The following BUD23 variants were observed in gnomAD, a reference collection of about 807,000 sequenced individuals.
The protein encoded by BUD23 is 18S rRNA (guanine-N(7))-methyltransferase.
BUD23 carries 34 observed loss-of-function variants against 47.0 expected under a neutral mutation model. That is an observed-to-expected ratio of 0.72 (90% CI 0.55 to 0.96). The LOEUF (loss-of-function observed/expected upper bound fraction) is 0.96, where lower values mean the gene tolerates loss of function less well. Ranked by LOEUF, BUD23 falls within the 40% of genes least tolerant of loss-of-function variation. The pLI, the probability that BUD23 is intolerant of heterozygous loss-of-function variation, is 0.00. For missense variants in BUD23, 343 were observed against 361.2 expected (o/e 0.95, Z 0.41); for synonymous variants, 124 against 132.0 (o/e 0.94, Z 0.41).
At chr7:73,697,579 A>G (rs1344420907) in intron 10 of BUD23, 26 bp from the exon 11 acceptor site, 2 of 1,613,268 alleles carry the variant, frequency 1.2e-6, no homozygotes, top group Non-Finnish European at 1.7e-6. Context: ...GCTGTCCATC[A>G]GCTCATAGCT....
chr7:73,687,719 C>T (rs1798032387), intron 5 of BUD23, among the ~76,000 whole-genome samples: 1 of 152,152 alleles, frequency 6.6e-6, no homozygotes, highest in Admixed American at 6.5e-5. Context: ...CAAGCCAGTG[C>T]CTCCCAAACC....
intron 2 of BUD23, among the ~76,000 whole-genome samples, chr7:73,684,786 C>T (rs1009802854): frequency 6.6e-6 from 1 of 151,042 alleles, no homozygotes; most frequent in East Asian, 2.0e-4. Context: ...TAGCCGGGCG[C>T]GATGGCGGGT....
chr7:73,696,443 A>C (rs1245941059), intron 10 of BUD23: 1 of 152,216 alleles, frequency 6.6e-6, no homozygotes, highest in Non-Finnish European at 1.5e-5. Context: ...TTCAAACGAC[A>C]TGTCCTAAAA....
Position 73,686,871 on chromosome 7 carries a change from T to G in BUD23, c.236T>G (p.Val79Gly). The G allele has an allele frequency of 1.2e-6, 2 of 1,614,150 alleles. No homozygotes were observed. Among genetic ancestry groups the G allele is most frequent in the South Asian group, 2.2e-5 (2 of 91,074 alleles). ...SYLSDEGHYW[V>G]GLDISPAMLD... is the part of the protein sequence containing the mutation. ...CTGTCAGATGAAGGGCACTATTGGG[T>G]GGGCCTGGATATCAGCCCTGCCATG... The change falls in exon 4 of 12, where the codon GTG becomes GGG. Residue 79 changes from valine to glycine, a missense_variant. Coordinates refer to ENST00000265758, the MANE Select transcript of BUD23 (RefSeq NM_017528.5).
At chr7:73,697,227 CT>C in intron 10 of BUD23, 1 of 554,654 alleles carries the variant, frequency 1.8e-6, no homozygotes, top group Non-Finnish European at 3.2e-6. Flanking sequence ...CCCTAAGCTC[CT>C]GCTGTGAACT....
chr7:73,696,710 T>A (rs1798415859), intron 10 of BUD23: 1 of 152,174 alleles, frequency 6.6e-6, no homozygotes, highest in Non-Finnish European at 1.5e-5. Flanking sequence ...AAGAAAAAGT[T>A]TTTTAAGTCT....
At chr7:73,697,189 C>G (rs986182257) in intron 10 of BUD23, 31 of 500,052 alleles carry the variant, frequency 6.2e-5, no homozygotes, top group Non-Finnish European at 9.0e-5. Context: ...CCTTTCCATC[C>G]CTGTCTTCCT....
chr7:73,697,475 A>G (rs1554615025), intron 10 of BUD23, 130 bp from the exon 11 acceptor site: 1 of 1,552,272 alleles, frequency 6.4e-7, no homozygotes, highest in Non-Finnish European at 8.7e-7. Flanking sequence ...GGGAAGGTGG[A>G]GCATTTGAGA....
chr7:73,686,508 C>G, intron 2 of BUD23, 128 bp from the exon 3 acceptor site: 1 of 828,464 alleles, frequency 1.2e-6, no homozygotes, highest in Non-Finnish European at 2.0e-6. Flanking sequence ...AAAAGAGTAC[C>G]TCGGGATGAT....
Position 73,686,806 on chromosome 7 carries a change from C to G in BUD23, c.183-12C>G, listed in dbSNP as rs535386236. 2.5e-6 allele frequency: 4 copies of G among 1,613,922 alleles called. No homozygotes were observed. The highest frequency in any genetic ancestry group is 2.2e-5 in the South Asian group (2 of 91,046). On this transcript the variant is annotated splice_polypyrimidine_tract_variant and intron_variant, in intron 3 of 11. Transcript: ENST00000265758. ...TGTAAACTGACCCTGAGTGTCTGGT[C>G]ATGTCTTCCAGCTGTGGCACTGGGC...
At chr7:73,688,043 C>A (rs1163737806) in intron 5 of BUD23, among the ~76,000 whole-genome samples, 1 of 151,940 alleles carries the variant, frequency 6.6e-6, no homozygotes, top group Non-Finnish European at 1.5e-5. Flanking sequence ...CTGCAGGCGC[C>A]CACCACCACG....
At chr7:73,689,072 C>T (rs555719607) in intron 5 of BUD23, among the ~76,000 whole-genome samples, 41 of 152,238 alleles carry the variant, frequency 2.7e-4, no homozygotes, top group Non-Finnish European at 3.7e-4. Context: ...TTTTTGGAGA[C>T]GGATTCTTAC....
In BUD23 at chr7:73,691,029, C is replaced by A; in HGVS notation, c.459+17C>A. ...TCTGTTCTCGTGAGTATAAGATCTT[C>A]TCCCCATCTGGGTTAGCTGCCTGTC... On this transcript the variant is annotated intron_variant, in intron 6 of 11. Transcript: ENST00000265758. 1.2e-6 allele frequency: 2 copies of A among 1,610,902 alleles called. No individual in the cohort carries two copies. Among genetic ancestry groups the A allele is most frequent in the South Asian group, 1.1e-5 (1 of 91,024 alleles).
intron 9 of BUD23, 22 bp downstream of exon 9, chr7:73,693,691 G>C (rs782379850): frequency 1.2e-6 from 2 of 1,614,160 alleles, no homozygotes; most frequent in South Asian, 2.2e-5. Context: ...TGGGTTTGCA[G>C]GCAGGCCTGT....
intron 10 of BUD23, chr7:73,697,257 G>A (rs1045467637): frequency 4.0e-5 from 24 of 598,254 alleles, no homozygotes; most frequent in African/African-American, 2.6e-4. Context: ...TGCTCTTGAA[G>A]TCTAGGTGAT....
intron 4 of BUD23, 43 bp downstream of exon 4, chr7:73,686,943 G>A (rs2116674337): frequency 6.2e-7 from 1 of 1,613,552 alleles, no homozygotes; most frequent in Non-Finnish European, 8.5e-7. Flanking sequence ...TACCCTGATG[G>A]GTGTGGAGAA....
chr7:73,684,116 C>A (rs782616186), intron 2 of BUD23: 1 of 753,080 alleles, frequency 1.3e-6, no homozygotes, highest in Non-Finnish European at 2.0e-6. Context: ...GGGGTCAGTC[C>A]TGGTGGGGGG....
Position 73,693,218 on chromosome 7 carries a change from C to T in BUD23, c.511-111C>T. On this transcript the variant is annotated intron_variant, in intron 7 of 11. Transcript: ENST00000265758. ...GTGGCTTACAGCGACCTTAAGTTCT[C>T]CCAGGCAGGATTTGTCCTGGAGCAG... 4 of 1,034,432 alleles carry T rather than the reference C, an allele frequency of 3.9e-6. No homozygotes were observed. The South Asian group carries it at 5.5e-5, about 14-fold the overall frequency. 64.1% of individuals were successfully genotyped at this position (1,034,432 alleles called of 1,614,324 possible).
intron 5 of BUD23, among the ~76,000 whole-genome samples, chr7:73,687,649 A>C (rs200198545): frequency 6.6e-6 from 1 of 152,176 alleles, no homozygotes; most frequent in East Asian, 1.9e-4. Context: ...TGGGCCTCCC[A>C]AAATGCTGGG....
Sources: allele counts gnomAD v4.1 joint callset (sites outside exome capture counted in the v4.1 genomes callset), GRCh38; gene constraint gnomAD v4.1.1; transcripts MANE v1.5; gene names NCBI Gene and HGNC (gene_info 2026-07-23, HGNC 2026-07-21).